SLC10A7: variants seen among roughly 807,000 people sequenced by gnomAD.
SLC10A7 encodes solute carrier family 10 member 7, also known as sodium/bile acid cotransporter 7.
A neutral mutation model predicts 43.2 loss-of-function variants in SLC10A7; 29 were observed. That is an observed-to-expected ratio of 0.67 (90% CI 0.50 to 0.92). SLC10A7 has a LOEUF of 0.92. SLC10A7 is among the 40% of genes least tolerant of loss of function. SLC10A7 has a pLI of 0.00. For missense variants in SLC10A7, 295 were observed against 403.2 expected, an observed-to-expected ratio of 0.73 and a Z score of 2.30; for synonymous variants, 152 against 144.8, an observed-to-expected ratio of 1.05 and a Z score of -0.35.
chr4:146,297,036 C>T (rs1730834124), intron 7 of SLC10A7, among the ~76,000 whole-genome samples: 1 of 152,030 alleles, frequency 6.6e-6, no homozygotes, highest in South Asian at 2.1e-4. Context: ...GATATAGATG[C>T]CTCAGAATTC....
chr4:146,296,191 C>A (rs13109522), intron 7 of SLC10A7, among the ~76,000 whole-genome samples: 71,781 of 151,932 alleles, frequency 0.47, 17,253 homozygotes, highest in Admixed American at 0.57. Flanking sequence ...TAAATCATCT[C>A]TAGATTACTT....
intron 6 of SLC10A7, among the ~76,000 whole-genome samples, chr4:146,309,044 G>A (rs907946529): frequency 6.6e-6 from 1 of 152,068 alleles, no homozygotes; most frequent in African/African-American, 2.4e-5. Flanking sequence ...CGGTGTGCAC[G>A]CCTGTCCATC....
chr4:146,256,538 A>G lies in SLC10A7; in HGVS notation c.994-18T>C, dbSNP rs763475625. 1.2e-6 allele frequency: 2 copies of G among 1,613,826 alleles called. No homozygotes were observed. The highest frequency in any genetic ancestry group is 4.5e-5 in the East Asian group (2 of 44,898). On this transcript the variant is annotated intron_variant, in intron 11 of 11. Coordinates refer to ENST00000335472, the MANE Select transcript of SLC10A7 (RefSeq NM_001029998.6). ...TTCACTCCCTACAAGGAAGGAAAAC[A>G]TGTTCAGAGTTGGACAGTATCCATG...
At chr4:146,492,407 C>T (rs1259234778) in intron 4 of SLC10A7, among the ~76,000 whole-genome samples, 1 of 151,882 alleles carries the variant, frequency 6.6e-6, no homozygotes, top group Non-Finnish European at 1.5e-5. Flanking sequence ...TCACTCTTTC[C>T]CCCAGGCTGG....
intron 9 of SLC10A7, among the ~76,000 whole-genome samples, chr4:146,291,881 C>T (rs935605716): frequency 1.3e-5 from 2 of 152,160 alleles, no homozygotes; most frequent in African/African-American, 4.8e-5. Context: ...ATTGAAATCA[C>T]CTCTTATTTG....
intron 5 of SLC10A7, among the ~76,000 whole-genome samples, chr4:146,440,135 C>T (rs1049130987): frequency 6.6e-6 from 1 of 152,072 alleles, no homozygotes; most frequent in Middle Eastern, 3.2e-3. Context: ...ATTTTTAGCT[C>T]GCAGTAAATT....
chr4:146,459,647 T>C lies in SLC10A7; in HGVS notation c.397-16826A>G, dbSNP rs573797042. ...AAAAAACGAAAAACTCTGATGCTTA[T>C]TCACACTACACACACAAAGCAACTT... On this transcript the variant is annotated intron_variant, in intron 4 of 11. Transcript: ENST00000335472. Among the ~76,000 whole-genome samples the C allele has an allele frequency of 4.6e-5, 7 of 151,442 alleles. No individual in the cohort carries two copies. The East Asian group carries it at 1.2e-3, about 25-fold the overall frequency.
chr4:146,455,426 A>G (rs1731961310), intron 4 of SLC10A7, among the ~76,000 whole-genome samples: 1 of 151,876 alleles, frequency 6.6e-6, no homozygotes, highest in African/African-American at 2.4e-5. Context: ...GTGCATCCAC[A>G]AAACCTAAGT....
rs764253183 is a variant in SLC10A7, at chr4:146,256,504, C to T, written c.1010G>A (p.Arg337Lys). 60 of 1,613,908 alleles carry T rather than the reference C, an allele frequency of 3.7e-5. No homozygotes were observed. Among genetic ancestry groups the T allele is most frequent in the Non-Finnish European group, 4.8e-5 (57 of 1,179,946 alleles). The change falls in exon 12 of 12, where the codon AGG (arginine) becomes AAG (lysine). Residue 337 changes from arginine (R) to lysine (K), a missense_variant. By Grantham distance (26) the Arg-to-Lys change is conservative. Coordinates refer to ENST00000335472, the MANE Select transcript of SLC10A7 (RefSeq NM_001029998.6). ...VSRQKGVKLT[R>K]PTV ...CCACCTCCTTTGTTATACTGTCGGC[C>T]TTGTCAGCTTCACTCCCTACAAGGA...
At chr4:146,504,112 G>T (rs1399175402) in intron 3 of SLC10A7, among the ~76,000 whole-genome samples, 188 bp from the exon 4 acceptor site, 2 of 152,172 alleles carry the variant, frequency 1.3e-5, no homozygotes, top group Non-Finnish European at 2.9e-5. Context: ...AAATGTATGG[G>T]TTCTAATCTC....
At chr4:146,368,040 A>C (rs1470232797) in intron 5 of SLC10A7, among the ~76,000 whole-genome samples, 1 of 152,050 alleles carries the variant, frequency 6.6e-6, no homozygotes, top group Non-Finnish European at 1.5e-5. Context: ...ACAATCCCGA[A>C]AGCTCTGTTT....
At chr4:146,410,487 A>G (rs1210610560) in intron 5 of SLC10A7, among the ~76,000 whole-genome samples, 2 of 152,204 alleles carry the variant, frequency 1.3e-5, no homozygotes, top group Non-Finnish European at 2.9e-5. Flanking sequence ...ACTTCCTACA[A>G]TGAGCCAGGC....
rs969894476 is a variant in SLC10A7, at chr4:146,258,842, T to C, written c.848-5A>G. On this transcript the variant is annotated splice_region_variant and splice_polypyrimidine_tract_variant and intron_variant, in intron 10 of 11. Coordinates refer to ENST00000335472, the MANE Select transcript of SLC10A7 (RefSeq NM_001029998.6). Reference sequence around the variant, plus strand: ...CGATCTTCAGCATCGGAATTCCTGTTGAACAAAGAAGACAGAAAACCTAAA... The same window carrying C: ...CGATCTTCAGCATCGGAATTCCTGTCGAACAAAGAAGACAGAAAACCTAAA... 1 of 1,604,866 alleles carries C rather than the reference T, an allele frequency of 6.2e-7. No homozygotes were observed.
At chr4:146,340,540 G>A (rs1223785131) in intron 5 of SLC10A7, among the ~76,000 whole-genome samples, 2 of 149,364 alleles carry the variant, frequency 1.3e-5, no homozygotes, top group Non-Finnish European at 3.0e-5. Flanking sequence ...TATATGGAGA[G>A]AGAGAGAGAG....
intron 4 of SLC10A7, among the ~76,000 whole-genome samples, chr4:146,475,394 G>A (rs1487853714): frequency 1.3e-5 from 2 of 151,816 alleles, no homozygotes; most frequent in Non-Finnish European, 2.9e-5. Context: ...ATTAATCAAT[G>A]GCAATACTTA....
intron 5 of SLC10A7, among the ~76,000 whole-genome samples, chr4:146,409,289 CT>C (rs1430012360): frequency 6.8e-6 from 1 of 146,314 alleles, no homozygotes; most frequent in Non-Finnish European, 1.5e-5. Flanking sequence ...TGCAATAACA[CT>C]TTTGCTTCCA....
chr4:146,391,779 G>T (rs1275357454), intron 5 of SLC10A7, among the ~76,000 whole-genome samples: 1 of 152,144 alleles, frequency 6.6e-6, no homozygotes, highest in Non-Finnish European at 1.5e-5. Context: ...GAAGGCTGGA[G>T]GTTCATAAAT....
At chr4:146,391,683 C>G (rs1281536841) in intron 5 of SLC10A7, among the ~76,000 whole-genome samples, 3 of 152,146 alleles carry the variant, frequency 2.0e-5, no homozygotes, top group Non-Finnish European at 4.4e-5. Flanking sequence ...ATCCCTAACT[C>G]TAATCAGTAA....
At chr4:146,296,986 T>A (rs1730829890) in intron 7 of SLC10A7, among the ~76,000 whole-genome samples, 1 of 152,184 alleles carries the variant, frequency 6.6e-6, no homozygotes, top group Non-Finnish European at 1.5e-5. Flanking sequence ...AATAACCTTA[T>A]ATGAAACAAC....
Sources: gnomAD v4.1 joint callset for allele counts (sites outside exome capture counted in the v4.1 genomes callset) on GRCh38, gnomAD v4.1.1 for gene constraint, MANE v1.5 for transcripts, NCBI Gene and HGNC (gene_info 2026-07-23, HGNC 2026-07-21) for gene names.